Variants in XKR4 observed in about 807,000 individuals in gnomAD.
XKR4 encodes the protein XK related 4.
XKR4 carries 12 observed loss-of-function variants against 53.9 expected under a neutral mutation model. That is an observed-to-expected ratio of 0.22 (90% confidence interval 0.14 to 0.36). XKR4 has a LOEUF of 0.36. XKR4 is among the 10% of genes least tolerant of loss of function. The probability of loss-of-function intolerance (pLI) is 1.00; values close to 1 mark genes in which losing one functional copy is unlikely to be tolerated. For missense variants in XKR4, 799 were observed against 859.5 expected, an observed-to-expected ratio of 0.93 and a Z score of 0.88; for synonymous variants, 354 against 362.4, an observed-to-expected ratio of 0.98 and a Z score of 0.26.
At chr8:55,304,973 G>T (rs1167717033) in intron 1 of XKR4, among the ~76,000 whole-genome samples, 1 of 152,016 alleles carries the variant, frequency 6.6e-6, no homozygotes, top group African/African-American at 2.4e-5. Context: ...AACACTTGAA[G>T]AAAATAACTG....
chr8:55,322,824 G>C (rs923557580), intron 1 of XKR4, among the ~76,000 whole-genome samples: 1 of 151,986 alleles, frequency 6.6e-6, no homozygotes, highest in African/African-American at 2.4e-5. Context: ...TTGTAATATA[G>C]GAACAATCAT....
At chr8:55,229,590 T>G (rs1019193291) in intron 1 of XKR4, among the ~76,000 whole-genome samples, 35 of 152,256 alleles carry the variant, frequency 2.3e-4, no homozygotes, top group African/African-American at 8.4e-4. Context: ...ATTTCTTTCA[T>G]GTAAAAACTT....
Position 55,523,763 on chromosome 8 carries a change from A to G in XKR4, c.1489A>G (p.Ser497Gly). Residue 497 changes from serine to glycine, a missense_variant, in exon 3 of 3, where the codon AGC becomes GGC. By Grantham distance (56) the Ser-to-Gly change is moderately conservative. Transcript: ENST00000327381. ...CATTCCAGCGCTGTGTGTGGTGTTC[A>G]GCAGCTTTTTAACTGGCGTTGTTTT... Reference protein sequence around the residue: ...FAIPALCVVFSSFLTGVVFML... With the variant: ...FAIPALCVVFGSFLTGVVFML... The G allele has an allele frequency of 6.2e-7, 1 of 1,614,180 alleles. No homozygotes were observed. Among genetic ancestry groups the G allele is most frequent in the African/African-American group, 1.3e-5 (1 of 75,044 alleles).
chr8:55,299,183 G>C (rs1469969772), intron 1 of XKR4, among the ~76,000 whole-genome samples: 2 of 152,150 alleles, frequency 1.3e-5, no homozygotes, highest in South Asian at 2.1e-4. Context: ...TCGTTTTATA[G>C]AGTGACTCTC....
intron 1 of XKR4, among the ~76,000 whole-genome samples, chr8:55,133,481 G>A (rs1816585233): frequency 6.6e-6 from 1 of 152,170 alleles, no homozygotes; most frequent in Non-Finnish European, 1.5e-5. Context: ...TCAATGGTTG[G>A]TCTAATGGAT....
chr8:55,167,560 C>T (rs144504888), intron 1 of XKR4, among the ~76,000 whole-genome samples: 278 of 152,266 alleles, frequency 1.8e-3, no homozygotes, highest in African/African-American at 6.3e-3. Flanking sequence ...CGATAGACTT[C>T]GGAAGCAAGA....
chr8:55,496,460 T>C (rs1194466196), intron 2 of XKR4, among the ~76,000 whole-genome samples: 1 of 152,188 alleles, frequency 6.6e-6, no homozygotes, highest in Admixed American at 6.5e-5. Flanking sequence ...AAAGGAGAGA[T>C]CTTAAGACAG....
intron 1 of XKR4, among the ~76,000 whole-genome samples, chr8:55,166,253 G>C (rs1014580032): frequency 6.6e-6 from 1 of 152,172 alleles, no homozygotes; most frequent in Non-Finnish European, 1.5e-5. Context: ...TTGCCATGAT[G>C]CACAGCGACT....
chr8:55,429,589 C>A (rs1805070998), intron 2 of XKR4, among the ~76,000 whole-genome samples: 1 of 151,856 alleles, frequency 6.6e-6, no homozygotes, highest in Non-Finnish European at 1.5e-5. Context: ...GTGACATGCA[C>A]CTGTCATACC....
intron 2 of XKR4, among the ~76,000 whole-genome samples, chr8:55,407,737 G>T (rs1411420597): frequency 6.6e-6 from 1 of 152,248 alleles, no homozygotes; most frequent in South Asian, 2.1e-4. Flanking sequence ...TCCTAAGAAG[G>T]TCAAGCATTT....
intron 1 of XKR4, among the ~76,000 whole-genome samples, chr8:55,330,089 G>C (rs1585523993): frequency 6.6e-6 from 1 of 152,156 alleles, no homozygotes; most frequent in Non-Finnish European, 1.5e-5. Flanking sequence ...ATTATCGTCA[G>C]CAGCAGCACT....
chr8:55,493,817 A>G (rs960441114), intron 2 of XKR4, among the ~76,000 whole-genome samples: 1 of 152,196 alleles, frequency 6.6e-6, no homozygotes, highest in African/African-American at 2.4e-5. Flanking sequence ...TTTCCATTTC[A>G]GGAATGGATA....
At position 55,402,143 on chromosome 8, in the gene XKR4, GAATTATTAT is replaced by G. The variant is rs528331527; in HGVS notation, c.1006+44269_1006+44277del. Among the ~76,000 whole-genome samples, 153 of 152,250 alleles carry G rather than the reference GAATTATTAT, an allele frequency of 1.0e-3. 2 individuals carry two copies. The highest frequency in any genetic ancestry group is 3.5e-3 in the African/African-American group (145 of 41,540). ...GGATAAGTCATGGAAAAATGTCTTA[GAATTATTAT>G]AAAAACAGTTTTTACTTCAAAGACC... On this transcript the variant is annotated intron_variant, in intron 2 of 2. Transcript: ENST00000327381.
chr8:55,266,477 C>T lies in XKR4; in HGVS notation c.807-91201C>T, dbSNP rs1818603149. Among the ~76,000 whole-genome samples the T allele has an allele frequency of 2.6e-5, 4 of 152,086 alleles. 1 individual carries two copies. Among genetic ancestry groups the T allele is most frequent in the Admixed American group, 2.6e-4 (4 of 15,274 alleles). ...AATAGAGCAGAAAGAGTGCCCGTGA[C>T]ATTTGCTAATGACAGCACACAGAGA... On this transcript the variant is annotated intron_variant, in intron 1 of 2. Transcript: ENST00000327381.
At chr8:55,118,170 A>C (rs775891869) in intron 1 of XKR4, among the ~76,000 whole-genome samples, 1 of 152,198 alleles carries the variant, frequency 6.6e-6, no homozygotes, top group Non-Finnish European at 1.5e-5. Flanking sequence ...AAACACGGAG[A>C]CTATAGGTCA....
chr8:55,150,828 T>C (rs1816831470), intron 1 of XKR4, among the ~76,000 whole-genome samples: 1 of 152,170 alleles, frequency 6.6e-6, no homozygotes, highest in Non-Finnish European at 1.5e-5. Flanking sequence ...TACTGGTGCA[T>C]AGTAAGTGCC....
intron 1 of XKR4, among the ~76,000 whole-genome samples, chr8:55,160,919 G>A (rs1208530454): frequency 1.3e-5 from 2 of 152,152 alleles, no homozygotes; most frequent in Non-Finnish European, 2.9e-5. Flanking sequence ...AAGTTTGAAG[G>A]CAACATCTGG....
intron 1 of XKR4, chr8:55,164,231 G>A (rs2291183): frequency 0.33 from 150,999 of 456,248 alleles, 27,014 homozygotes; most frequent in African/African-American, 0.56. Context: ...GAATTCTGTC[G>A]GCATTGAGAC....
intron 2 of XKR4, among the ~76,000 whole-genome samples, chr8:55,439,921 G>A (rs548271180): frequency 9.9e-5 from 15 of 152,252 alleles, no homozygotes; most frequent in African/African-American, 2.2e-4. Flanking sequence ...ACATAGTAGC[G>A]TGAAGCTGCA....
Sources: allele counts gnomAD v4.1 joint callset (sites outside exome capture counted in the v4.1 genomes callset), GRCh38; gene constraint gnomAD v4.1.1; transcripts MANE v1.5; gene names NCBI Gene and HGNC (gene_info 2026-07-23, HGNC 2026-07-21).